The following CAST variants were observed in gnomAD, a reference collection of about 807,000 sequenced individuals.
CAST encodes the protein calpastatin.
CAST carries 76 observed loss-of-function variants against 119.6 expected under a neutral mutation model. That is an observed-to-expected ratio of 0.64 (90% CI 0.53 to 0.77). The LOEUF is 0.77. Ranked by LOEUF, CAST falls within the 30% of genes least tolerant of loss-of-function variation. The pLI is 0.00. For missense variants in CAST, 953 were observed against 946.5 expected (o/e 1.01, Z -0.09); for synonymous variants, 319 against 331.6 (o/e 0.96, Z 0.41).
rs879016980 is a variant in CAST at position 96,762,526 on chromosome 5, C to A, written c.1932+154C>A. On this transcript the variant is annotated intron_variant, in intron 25 of 31. Transcript: ENST00000675179. ...AGAAGAGCCGAGACTGATGATTTAGCGAGATGGCAGAGATTAACTTTGAAA... is the reference window on the plus strand; with the variant it reads ...AGAAGAGCCGAGACTGATGATTTAGAGAGATGGCAGAGATTAACTTTGAAA... 12 of 522,574 alleles carry A rather than the reference C, an allele frequency of 2.3e-5. No homozygotes were observed. The South Asian group carries it at 3.2e-4, about 14-fold the overall frequency. 32.4% of individuals were successfully genotyped at this position (522,574 alleles called of 1,614,324 possible). A position where few individuals can be genotyped will look rare whatever the true frequency, so the allele number is the denominator to read the frequency against.
At chr5:96,451,307 A>C in the CAST span, among the ~76,000 whole-genome samples, 1 of 152,190 alleles carries the variant, frequency 6.6e-6, no homozygotes, top group Non-Finnish European at 1.5e-5. Context: ...ATAAATAAGT[A>C]AAGTAATACA....
upstream of CAST, among the ~76,000 whole-genome samples, chr5:96,657,290 T>C (rs1475373880): frequency 6.6e-6 from 1 of 152,192 alleles, no homozygotes; most frequent in Non-Finnish European, 1.5e-5. Flanking sequence ...GATGACCAAC[T>C]GTGGTTTCTT....
chr5:96,701,317 TAACTCTGGAAGCTGTGGGGCC>T (rs1414258505), intron 3 of CAST, among the ~76,000 whole-genome samples: 1 of 152,210 alleles, frequency 6.6e-6, no homozygotes, highest in Non-Finnish European at 1.5e-5. Flanking sequence ...TTGAGCTGCC[TAACTCTGGAAGCTGTGGGGCC>T]CAGGGCCCAT....
the CAST span, among the ~76,000 whole-genome samples, chr5:96,124,441 A>G: frequency 1.3e-5 from 2 of 152,170 alleles, no homozygotes; most frequent in Non-Finnish European, 2.9e-5. Context: ...AAATGATCTA[A>G]CCTAAAAATT....
the CAST span, among the ~76,000 whole-genome samples, chr5:96,423,114 C>T: frequency 2.6e-5 from 4 of 152,242 alleles, no homozygotes; most frequent in Non-Finnish European, 5.9e-5. Context: ...ATTTTTGATC[C>T]CACTGAATTA....
chr5:96,695,865 A>G lies in CAST; in HGVS notation c.168A>G (p.Gln56=), dbSNP rs9667. ...AAGCAGCAAGCCTCGGCAGCAGTCA[A>G]TCCTCCAGAACCTATGCTGGTGGAA... The part of the protein sequence containing the change: ...EKKAASLGSS[Q]SSRTYAGGTA... Residue 56 remains glutamine (Q), a synonymous_variant, in exon 3 of 32, where the codon CAA becomes CAG. Coordinates refer to ENST00000675179, the MANE Select transcript of CAST (RefSeq NM_001750.7). 0.2 allele frequency: 326,674 copies of G among 1,608,786 alleles called. 34,189 individuals are homozygous for G. Among genetic ancestry groups the G allele is most frequent in the East Asian group, 0.26 (11,542 of 44,754 alleles).
intron 1 of CAST, among the ~76,000 whole-genome samples, chr5:96,597,467 C>T (rs1747073144): frequency 6.6e-6 from 1 of 152,308 alleles, no homozygotes; most frequent in East Asian, 1.9e-4. Context: ...AAGAAGGCTA[C>T]CATCCCAGCT....
the CAST span, among the ~76,000 whole-genome samples, chr5:96,312,108 C>G: frequency 6.6e-6 from 1 of 151,860 alleles, no homozygotes; most frequent in Non-Finnish European, 1.5e-5. Flanking sequence ...TTTCTGGTTA[C>G]CATGAGGCTT....
chr5:96,289,432 G>C, the CAST span, among the ~76,000 whole-genome samples: 1 of 152,092 alleles, frequency 6.6e-6, no homozygotes, highest in East Asian at 1.9e-4. Context: ...ATTGAATCAT[G>C]GGGGCGGTTT....
At chr5:96,556,691 A>C (rs1331491013) in intron 1 of CAST, among the ~76,000 whole-genome samples, 15 of 152,242 alleles carry the variant, frequency 9.9e-5, no homozygotes, top group Non-Finnish European at 2.1e-4. Context: ...CAAAGCCTCC[A>C]AGAAATATGG....
chr5:96,207,687 G>C, the CAST span, among the ~76,000 whole-genome samples: 1 of 152,062 alleles, frequency 6.6e-6, no homozygotes, highest in Admixed American at 6.6e-5. Context: ...TGTACTGCTG[G>C]ATTTGGTTTG....
chr5:96,393,553 C>T, the CAST span, among the ~76,000 whole-genome samples: 1 of 152,130 alleles, frequency 6.6e-6, no homozygotes, highest in Admixed American at 6.5e-5. Context: ...CATTTGCCTA[C>T]CCTCTGGGGT....
the CAST span, among the ~76,000 whole-genome samples, chr5:95,995,255 A>C: frequency 6.6e-6 from 1 of 152,116 alleles, no homozygotes; most frequent in African/African-American, 2.4e-5. Flanking sequence ...CCCACACTGC[A>C]TGGGGTCTAT....
At chr5:96,598,536 T>C (rs1335561108) in intron 1 of CAST, among the ~76,000 whole-genome samples, 2 of 152,168 alleles carry the variant, frequency 1.3e-5, no homozygotes, top group East Asian at 3.9e-4. Flanking sequence ...GGCCTCTGAG[T>C]TGGGTGACAT....
the CAST span, among the ~76,000 whole-genome samples, chr5:96,234,932 T>A: frequency 6.6e-6 from 1 of 152,210 alleles, no homozygotes; most frequent in Non-Finnish European, 1.5e-5. Flanking sequence ...TGTGTACACT[T>A]ATGCAATGAT....
chr5:96,534,857 G>A (rs182222713), intron 1 of CAST, among the ~76,000 whole-genome samples: 5 of 110,314 alleles, frequency 4.5e-5, no homozygotes, highest in Non-Finnish European at 9.7e-5. Flanking sequence ...AGGAGGGAGG[G>A]AGGGAAGGAA....
At chr5:96,080,209 A>G in the CAST span, among the ~76,000 whole-genome samples, 1 of 152,226 alleles carries the variant, frequency 6.6e-6, no homozygotes, top group African/African-American at 2.4e-5. Flanking sequence ...AAGAGGTGTT[A>G]TGGGCATTAA....
chr5:96,504,240 C>G, the CAST span, among the ~76,000 whole-genome samples: 1 of 152,198 alleles, frequency 6.6e-6, no homozygotes, highest in Non-Finnish European at 1.5e-5. Context: ...TATCTGGCCC[C>G]ATCAGCTTTT....
chr5:96,005,844 T>C, the CAST span, among the ~76,000 whole-genome samples: 16 of 152,160 alleles, frequency 1.1e-4, no homozygotes, highest in Admixed American at 6.5e-5. Flanking sequence ...GAGTACAACG[T>C]AATGCATACT....
Sources: allele counts gnomAD v4.1 joint callset (sites outside exome capture counted in the v4.1 genomes callset), GRCh38; gene constraint gnomAD v4.1.1; transcripts MANE v1.5; gene names NCBI Gene and HGNC (gene_info 2026-07-23, HGNC 2026-07-21).